CDH18: variants seen among roughly 807,000 people sequenced by gnomAD.
CDH18 encodes the protein cadherin 18.
CDH18 carries 31 observed loss-of-function variants against 67.9 expected under a neutral mutation model. The ratio of observed to expected loss-of-function variants is 0.46; its 90% CI spans 0.34 to 0.62. The LOEUF is 0.62. Among genes scored for constraint, CDH18 ranks in the 20% least tolerant of loss-of-function variants. The probability of loss-of-function intolerance (pLI) is 0.01; values close to 1 mark genes in which losing one functional copy is unlikely to be tolerated. For missense variants in CDH18, 890 were observed against 975.5 expected (o/e 0.91, Z 1.17); for synonymous variants, 362 against 347.2 (o/e 1.04, Z -0.48).
rs1455386764 is a variant in CDH18, at chr5:19,747,139, T to C, written c.326A>G (p.Asp109Gly). The C allele has an allele frequency of 1.9e-6, 3 of 1,613,182 alleles. No homozygotes were observed. The highest frequency in any genetic ancestry group is 1.1e-5 in the South Asian group (1 of 91,064). Residue 109 changes from aspartate (D) to glycine (G), a missense_variant, in exon 4 of 13, where the codon GAT (aspartate) becomes GGT (glycine). By Grantham distance (94) the Asp-to-Gly change is moderately conservative (BLOSUM62 -1). Transcript: ENST00000382275. ...TIFIIDDTTG[D>G]IHSTKSLDRE... ...GTCTAGGCTTTTTGTTGAGTGGATATCACCCGTGGTATCGTCAATGATAAA... is the reference window on the plus strand; with the variant it reads ...GTCTAGGCTTTTTGTTGAGTGGATACCACCCGTGGTATCGTCAATGATAAA...
chr5:20,071,493 G>A (rs986063562), intron 2 of CDH18, among the ~76,000 whole-genome samples: 3 of 151,912 alleles, frequency 2.0e-5, no homozygotes, highest in Non-Finnish European at 4.4e-5. Context: ...ACAGGCTACT[G>A]GAGTTATTTA....
intron 2 of CDH18, among the ~76,000 whole-genome samples, chr5:20,120,997 GATAT>G (rs1748307798): frequency 6.6e-6 from 1 of 152,080 alleles, no homozygotes; most frequent in Non-Finnish European, 1.5e-5. Flanking sequence ...CTAGATAGTT[GATAT>G]ATCACCACAA....
At chr5:19,736,885 C>T (rs992716908) in intron 4 of CDH18, among the ~76,000 whole-genome samples, 1 of 152,044 alleles carries the variant, frequency 6.6e-6, no homozygotes, top group Non-Finnish European at 1.5e-5. Context: ...TTTCTCCTTG[C>T]CAGAGTATGA....
chr5:20,159,090 T>A (rs1331164405), intron 2 of CDH18: 4 of 152,248 alleles, frequency 2.6e-5, no homozygotes, highest in Non-Finnish European at 5.9e-5. Context: ...ATGAATTCAA[T>A]CTTGATGATG....
At chr5:20,211,238 T>C (rs1580487813) in intron 2 of CDH18, among the ~76,000 whole-genome samples, 1 of 152,064 alleles carries the variant, frequency 6.6e-6, no homozygotes, top group East Asian at 1.9e-4. Context: ...CTTGAATAGG[T>C]AAACAAAGCA....
At chr5:20,370,194 C>T (rs539131020) in intron 1 of CDH18, among the ~76,000 whole-genome samples, 16 of 152,010 alleles carry the variant, frequency 1.1e-4, no homozygotes, top group African/African-American at 3.6e-4. Flanking sequence ...CATTACTATC[C>T]TTATCACCAT....
At chr5:19,743,700 C>A (rs543788114) in intron 4 of CDH18, among the ~76,000 whole-genome samples, 9 of 152,282 alleles carry the variant, frequency 5.9e-5, no homozygotes, top group African/African-American at 1.9e-4. Flanking sequence ...AAGGGCGGAT[C>A]ATTTGAGACC....
intron 5 of CDH18, among the ~76,000 whole-genome samples, chr5:19,687,742 C>G (rs1761311230): frequency 6.6e-6 from 1 of 152,210 alleles, no homozygotes; most frequent in Admixed American, 6.5e-5. Flanking sequence ...AGCCTCAGAG[C>G]TGATACTTGT....
intron 2 of CDH18, among the ~76,000 whole-genome samples, chr5:20,056,180 T>C (rs1274042384): frequency 1.3e-5 from 2 of 151,060 alleles, no homozygotes; most frequent in African/African-American, 4.9e-5. Flanking sequence ...AATTTTTGTA[T>C]TTTTAGTAGA....
At chr5:20,042,399 C>G (rs1740500292) in intron 2 of CDH18, among the ~76,000 whole-genome samples, 1 of 152,088 alleles carries the variant, frequency 6.6e-6, no homozygotes, top group African/African-American at 2.4e-5. Context: ...GAAACTTTTT[C>G]CCTAAGATTT....
At chr5:20,261,067 T>C (rs1404163887) in intron 1 of CDH18, among the ~76,000 whole-genome samples, 1 of 152,160 alleles carries the variant, frequency 6.6e-6, no homozygotes, top group Non-Finnish European at 1.5e-5. Flanking sequence ...CATGTGGCAA[T>C]AGACCAATAA....
intron 1 of CDH18, among the ~76,000 whole-genome samples, chr5:20,446,160 A>G (rs1749984713): frequency 6.6e-6 from 1 of 152,274 alleles, no homozygotes; most frequent in Non-Finnish European, 1.5e-5. Context: ...CAACTCGAAG[A>G]TACAGTTTTA....
intron 2 of CDH18, among the ~76,000 whole-genome samples, chr5:19,930,515 C>T (rs1036518799): frequency 5.9e-5 from 9 of 152,028 alleles, no homozygotes; most frequent in African/African-American, 2.2e-4. Flanking sequence ...ATATTTTCCA[C>T]AGTAGCATTT....
At chr5:19,779,575 G>A (rs1042540200) in intron 3 of CDH18, among the ~76,000 whole-genome samples, 2 of 152,136 alleles carry the variant, frequency 1.3e-5, no homozygotes, top group South Asian at 2.1e-4. Flanking sequence ...TTCCAGCCAA[G>A]AGGGAGAAAA....
In CDH18 at chr5:20,527,548, A is replaced by G. The variant is rs116315071; in HGVS notation, c.-580+47914T>C. On this transcript the variant is annotated intron_variant, in intron 1 of 14. Transcript: ENST00000507958. ...CCTACAAAGAGAAGCCAATCAGACT[A>G]ACAGCAGACTACTCAGTGAAAACCC... Among the ~76,000 whole-genome samples the G allele has an allele frequency of 6.2e-4, 95 of 152,186 alleles. 4 individuals are homozygous for G. The highest frequency in any genetic ancestry group is 2.3e-3 in the African/African-American group (94 of 41,500).
chr5:19,729,820 A>G (rs935019885), intron 4 of CDH18, among the ~76,000 whole-genome samples: 2 of 152,132 alleles, frequency 1.3e-5, no homozygotes, highest in African/African-American at 4.8e-5. Context: ...GTATATTTGC[A>G]TATTATCTCA....
At chr5:19,786,821 G>A (rs1225378590) in intron 3 of CDH18, among the ~76,000 whole-genome samples, 2 of 152,060 alleles carry the variant, frequency 1.3e-5, no homozygotes, top group African/African-American at 4.8e-5. Context: ...ACAAAGTCCA[G>A]TGTCTGTGTG....
At chr5:20,553,062 A>G (rs1212650831) in intron 1 of CDH18, among the ~76,000 whole-genome samples, 3 of 151,986 alleles carry the variant, frequency 2.0e-5, no homozygotes, top group African/African-American at 7.2e-5. Flanking sequence ...TTATCTTAGG[A>G]TTTTTCTAAC....
At chr5:19,656,904 C>T (rs1756483936) in intron 5 of CDH18, among the ~76,000 whole-genome samples, 1 of 151,016 alleles carries the variant, frequency 6.6e-6, no homozygotes, top group South Asian at 2.1e-4. Context: ...GTGTGTGTGT[C>T]GGTGGGAGAA....
Sources: gnomAD v4.1 joint callset for allele counts (sites outside exome capture counted in the v4.1 genomes callset) on GRCh38, gnomAD v4.1.1 for gene constraint, MANE v1.5 for transcripts, NCBI Gene and HGNC (gene_info 2026-07-23, HGNC 2026-07-21) for gene names.